SIN3A: variants seen among roughly 807,000 people sequenced by gnomAD.
SIN3A encodes paired amphipathic helix protein Sin3a.
Under a neutral mutation model 146.1 loss-of-function variants are expected in SIN3A, and 14 were observed. The observed-to-expected ratio is 0.10, with a 90% CI of 0.06 to 0.15. SIN3A has a LOEUF of 0.15. SIN3A is among the 10% of genes least tolerant of loss of function. The pLI is 1.00. For missense variants in SIN3A, 1,028 were observed against 1,576.0 expected (o/e 0.65, Z 5.89); for synonymous variants, 572 against 572.0 (o/e 1.00, Z 0.00).
chr15:75,380,742 A>G lies in SIN3A; in HGVS notation c.3289-19T>C, dbSNP rs1208251344. On this transcript the variant is annotated intron_variant, in intron 18 of 20. Transcript: ENST00000394947. The stretch of plus-strand genomic sequence containing the variant: ...ACCAGCGCTAAGATGGCAAACACAA[A>G]ATACAGGTGGAAGGAAATCACAAAA... The G allele has an allele frequency of 6.3e-7, 1 of 1,584,848 alleles. No individual in the cohort carries two copies. The highest frequency in any genetic ancestry group is 2.2e-5 in the East Asian group (1 of 44,692).
intron 12 of SIN3A, among the ~76,000 whole-genome samples, chr15:75,398,487 T>G (rs6495173): frequency 6.6e-6 from 1 of 151,336 alleles, no homozygotes. Flanking sequence ...ACCAGCCTGG[T>G]CAACATGGTG....
intron 8 of SIN3A, among the ~76,000 whole-genome samples, chr15:75,407,546 T>A (rs1331229883): frequency 6.6e-6 from 1 of 152,074 alleles, no homozygotes; most frequent in Non-Finnish European, 1.5e-5. Context: ...GCTCACAAAT[T>A]GACAGAAATC....
intron 2 of SIN3A, among the ~76,000 whole-genome samples, chr15:75,429,806 G>A (rs1455461270): frequency 6.6e-6 from 1 of 152,098 alleles, no homozygotes; most frequent in Non-Finnish European, 1.5e-5. Flanking sequence ...ATAAAAATAT[G>A]GGGTTTTTAA....
intron 1 of SIN3A, among the ~76,000 whole-genome samples, chr15:75,449,249 T>C (rs184516665): frequency 2.6e-5 from 4 of 152,340 alleles, no homozygotes; most frequent in African/African-American, 4.8e-5. Flanking sequence ...TAAAATGCTA[T>C]TGCTTTTGCA....
intron 12 of SIN3A, among the ~76,000 whole-genome samples, chr15:75,397,531 G>A: frequency 6.6e-6 from 1 of 152,274 alleles, no homozygotes; most frequent in South Asian, 2.1e-4. Context: ...GAATCCCCAA[G>A]TAATTCTGAT....
rs763974523 is a variant in SIN3A at position 75,408,039 on chromosome 15, C to A, written c.1318-895G>T. On this transcript the variant is annotated intron_variant, in intron 8 of 20. Transcript: ENST00000394947. Reference sequence around the variant, plus strand: ...ACTTTTAAAATCCACCACTTACTCTCTATGAAGAAATGCACAAACTTTGTG... The same window carrying A: ...ACTTTTAAAATCCACCACTTACTCTATATGAAGAAATGCACAAACTTTGTG... 1.3e-4 allele frequency among the ~76,000 whole-genome samples: 19 copies of A among 151,742 alleles called. 1 individual carries two copies.
chr15:75,442,621 A>T (rs1286633668), intron 1 of SIN3A, among the ~76,000 whole-genome samples: 1 of 31,934 alleles, frequency 3.1e-5, no homozygotes, highest in Non-Finnish European at 6.2e-5. Flanking sequence ...CATCTTTAAA[A>T]AAAAAAAAAA....
chr15:75,452,164 G>A (rs138575601), upstream of SIN3A, among the ~76,000 whole-genome samples: 247 of 152,308 alleles, frequency 1.6e-3, 6 homozygotes, highest in East Asian at 0.045. Flanking sequence ...TCCGCCTACC[G>A]CACTGCCGGG....
intron 2 of SIN3A, among the ~76,000 whole-genome samples, chr15:75,427,800 T>C (rs1478383039): frequency 6.6e-6 from 1 of 151,018 alleles, no homozygotes; most frequent in Non-Finnish European, 1.5e-5. Context: ...CGAAACCCCA[T>C]CTCTACTAAA....
chr15:75,417,197 G>C (rs1259472000), intron 3 of SIN3A, among the ~76,000 whole-genome samples: 1 of 152,124 alleles, frequency 6.6e-6, no homozygotes, highest in African/African-American at 2.4e-5. Flanking sequence ...TAAGCTATGA[G>C]TCTGATTTAG....
At chr15:75,413,112 T>A in intron 4 of SIN3A, 67 bp from the exon 5 acceptor site, 1 of 1,490,550 alleles carries the variant, frequency 6.7e-7, no homozygotes. Flanking sequence ...AGAAAAAATT[T>A]CATGTTTTTT....
intron 6 of SIN3A, 91 bp downstream of exon 6, chr15:75,411,401 A>G: frequency 3.1e-6 from 4 of 1,283,444 alleles, no homozygotes; most frequent in Non-Finnish European, 4.3e-6. Context: ...TTCCAGTATG[A>G]ATTAATGGAC....
At chr15:75,412,689 T>C (rs2073662805) in intron 5 of SIN3A, 74 bp downstream of exon 5, 3 of 1,383,572 alleles carry the variant, frequency 2.2e-6, no homozygotes, top group Admixed American at 5.1e-5. Flanking sequence ...AAGTCTTATA[T>C]AAAGGGGAAA....
chr15:75,411,956 T>C (rs1206942147), intron 5 of SIN3A, among the ~76,000 whole-genome samples: 1 of 152,208 alleles, frequency 6.6e-6, no homozygotes, highest in Non-Finnish European at 1.5e-5. Context: ...TCACATTTTC[T>C]AAATAAAACC....
At chr15:75,436,843 A>G (rs2074116796) in intron 1 of SIN3A, among the ~76,000 whole-genome samples, 1 of 152,140 alleles carries the variant, frequency 6.6e-6, no homozygotes. Context: ...TGGGAAAGGG[A>G]TACAGACAGG....
intron 3 of SIN3A, chr15:75,421,144 AAAGTAT>A (rs2073835032): frequency 6.6e-6 from 1 of 152,236 alleles, no homozygotes; most frequent in Non-Finnish European, 1.5e-5. Context: ...TTGCAACATT[AAAGTAT>A]AACTACTGAA....
intron 19 of SIN3A, among the ~76,000 whole-genome samples, chr15:75,377,495 C>T (rs748863197): frequency 1.3e-5 from 2 of 151,836 alleles, no homozygotes; most frequent in Non-Finnish European, 2.9e-5. Context: ...AGTGGTGGCG[C>T]GCACCTGTAA....
chr15:75,394,316 C>T (rs1458940250), intron 14 of SIN3A, among the ~76,000 whole-genome samples: 1 of 152,148 alleles, frequency 6.6e-6, no homozygotes, highest in Non-Finnish European at 1.5e-5. Context: ...GCAAGGATTA[C>T]AAAGAGTTTG....
chr15:75,419,509 A>G (rs2073804001), intron 3 of SIN3A: 1 of 152,208 alleles, frequency 6.6e-6, no homozygotes, highest in African/African-American at 2.4e-5. Context: ...CAGCAAACCA[A>G]GCAAACCACT....
Sources: allele counts gnomAD v4.1 joint callset (sites outside exome capture counted in the v4.1 genomes callset), GRCh38; gene constraint gnomAD v4.1.1; transcripts MANE v1.5; gene names NCBI Gene and HGNC (gene_info 2026-07-23, HGNC 2026-07-21).